Variants in ALMS1 observed in about 807,000 individuals in gnomAD.
The protein encoded by ALMS1 is centrosome-associated protein ALMS1.
ALMS1 carries 271 observed loss-of-function variants against 352.2 expected under a neutral mutation model. That is an observed-to-expected ratio of 0.77 (90% CI 0.70 to 0.85). The LOEUF is 0.85. Ranked by LOEUF, ALMS1 falls within the 40% of genes least tolerant of loss-of-function variation. The pLI is 0.00. For synonymous variants in ALMS1, 1,865 were observed against 1,761.2 expected, an observed-to-expected ratio of 1.06 and a Z score of -1.48; for missense variants, 5,445 against 4,870.7, an observed-to-expected ratio of 1.12 and a Z score of -3.51.
chr2:73,567,693 G>C (rs1178343697), intron 15 of ALMS1, among the ~76,000 whole-genome samples: 4 of 152,112 alleles, frequency 2.6e-5, no homozygotes, highest in African/African-American at 9.7e-5. Context: ...GCCATTTAGA[G>C]TATCGTGAGA....
intron 9 of ALMS1, 67 bp downstream of exon 9, chr2:73,455,362 T>G: frequency 6.3e-7 from 1 of 1,594,028 alleles, no homozygotes; most frequent in Non-Finnish European, 8.6e-7. Context: ...TAGGATCTCT[T>G]ACTTGGGCAT....
intron 12 of ALMS1, among the ~76,000 whole-genome samples, chr2:73,537,840 C>T (rs1403016875): frequency 6.6e-6 from 1 of 151,936 alleles, no homozygotes; most frequent in Non-Finnish European, 1.5e-5. Context: ...GACCCTGTCT[C>T]TACAAAAAAT....
Position 73,489,916 on chromosome 2 carries a change from C to G in ALMS1, c.7957C>G (p.Pro2653Ala). ...WNSLQLKSHS[P>A]FQNFIPDEFK... The stretch of plus-strand genomic sequence containing the variant: ...TTCCTTGCAGTTAAAAAGTCATTCC[C>G]CATTTCAGAACTTTATACCTGATGA... Residue 2653 changes from proline (P) to alanine (A), a missense_variant, in exon 10 of 23, where the codon CCA (proline) becomes GCA (alanine). Pro to Ala is a conservative substitution (Grantham distance 27, BLOSUM62 -1). Coordinates refer to ENST00000613296, the MANE Select transcript of ALMS1 (RefSeq NM_001378454.1). 6.2e-7 allele frequency: 1 copy of G among 1,614,140 alleles called. No homozygotes were observed. The highest frequency in any genetic ancestry group is 8.5e-7 in the Non-Finnish European group (1 of 1,180,012).
intron 9 of ALMS1, among the ~76,000 whole-genome samples, chr2:73,477,657 CTA>C (rs1419361981): frequency 2.0e-5 from 3 of 151,892 alleles, no homozygotes; most frequent in Non-Finnish European, 4.4e-5. Flanking sequence ...CCATTTCATT[CTA>C]TGTTTTTTAG....
chr2:73,462,241 G>A (rs973139112), intron 9 of ALMS1, among the ~76,000 whole-genome samples: 1 of 152,180 alleles, frequency 6.6e-6, no homozygotes, highest in African/African-American at 2.4e-5. Context: ...AAGCCCATCA[G>A]ACTAACAGCG....
intron 10 of ALMS1, among the ~76,000 whole-genome samples, chr2:73,494,056 A>G (rs1005509079): frequency 3.9e-5 from 6 of 152,230 alleles, no homozygotes; most frequent in Admixed American, 2.0e-4. Flanking sequence ...CCTCACTCAC[A>G]TGGCCATGGC....
chr2:73,453,019 T>C lies in ALMS1; in HGVS notation c.6492T>C (p.Asp2164=). Residue 2164 remains aspartate (D), a synonymous_variant, in exon 8 of 23, where the codon GAT becomes GAC. Coordinates refer to ENST00000613296, the MANE Select transcript of ALMS1 (RefSeq NM_001378454.1). ...KDLPDRHLTE[D]ALKISSALGQ... ...TGCCAGATAGACATCTAACTGAAGA[T>C]GCTCTAAAGATCTCAAGTGCTCTTG... The C allele has an allele frequency of 6.2e-7, 1 of 1,613,306 alleles. No individual in the cohort carries two copies.
chr2:73,406,089 A>G (rs115511140), intron 1 of ALMS1, among the ~76,000 whole-genome samples: 93 of 152,246 alleles, frequency 6.1e-4, no homozygotes, highest in African/African-American at 2.1e-3. Context: ...ATCTCATTCT[A>G]TCCATCATGG....
At position 73,394,957 on chromosome 2, in the gene ALMS1, A is replaced by C. The variant is rs117584446; in HGVS notation, c.324+8765A>C. On this transcript the variant is annotated intron_variant, in intron 1 of 22. Coordinates refer to ENST00000613296, the MANE Select transcript of ALMS1 (RefSeq NM_001378454.1). ...TCTAACACAAATACTTAGAAAAGGT[A>C]TAGTAAAAATATGGTATTTTACATA... 1.1e-3 allele frequency among the ~76,000 whole-genome samples: 163 copies of C among 148,466 alleles called. 2 individuals are homozygous for C. The East Asian group carries it at 0.029, about 26-fold the overall frequency.
At chr2:73,434,721 C>T (rs6546833) in intron 7 of ALMS1, among the ~76,000 whole-genome samples, 133,342 of 152,272 alleles carry the variant, frequency 0.88, 58,477 homozygotes, top group Admixed American at 0.92. Context: ...TATTTCTCCC[C>T]TTTTTTCTCT....
At chr2:73,404,553 T>C (rs1670935356) in intron 1 of ALMS1, among the ~76,000 whole-genome samples, 1 of 152,126 alleles carries the variant, frequency 6.6e-6, no homozygotes, top group Non-Finnish European at 1.5e-5. Flanking sequence ...GTGGTTTTTG[T>C]CCTTCCATTA....
At chr2:73,435,330 A>G (rs1351191283) in intron 7 of ALMS1, among the ~76,000 whole-genome samples, 5 of 151,484 alleles carry the variant, frequency 3.3e-5, no homozygotes, top group Non-Finnish European at 7.4e-5. Context: ...TTCCCCTTTT[A>G]TTATTGCATG....
At chr2:73,608,830 C>G (rs1222482028) in intron 22 of ALMS1, among the ~76,000 whole-genome samples, 1 of 152,234 alleles carries the variant, frequency 6.6e-6, no homozygotes, top group Non-Finnish European at 1.5e-5. Flanking sequence ...ATTTCACACA[C>G]AGGAGTTCAT....
At chr2:73,501,765 A>C (rs1377199987) in intron 10 of ALMS1, among the ~76,000 whole-genome samples, 1 of 152,042 alleles carries the variant, frequency 6.6e-6, no homozygotes, top group Admixed American at 6.6e-5. Flanking sequence ...TATTTTTGCT[A>C]TTTCAAGTCC....
At chr2:73,408,848 T>A in intron 2 of ALMS1, 101 bp downstream of exon 2, 1 of 931,490 alleles carries the variant, frequency 1.1e-6, no homozygotes, top group Non-Finnish European at 1.5e-6. Flanking sequence ...TATTCATTAA[T>A]ATTATGTTTT....
intron 1 of ALMS1, 121 bp from the exon 2 acceptor site, chr2:73,408,501 A>G (rs2103675099): frequency 1.7e-6 from 2 of 1,143,268 alleles, no homozygotes; most frequent in Non-Finnish European, 2.5e-6. Flanking sequence ...TGAAATCAAA[A>G]TGTCGTATAT....
intron 2 of ALMS1, among the ~76,000 whole-genome samples, chr2:73,412,697 G>A (rs1234827132): frequency 6.6e-6 from 1 of 152,194 alleles, no homozygotes; most frequent in East Asian, 1.9e-4. Flanking sequence ...TCGGGAGGCT[G>A]AGGCAGGAGA....
In ALMS1 at chr2:73,516,475, C is replaced by T. The variant is rs111593699; in HGVS notation, c.9540-3300C>T. Among the ~76,000 whole-genome samples the T allele has an allele frequency of 4.4e-3, 671 of 152,288 alleles. 3 individuals carry two copies. The highest frequency in any genetic ancestry group is 0.015 in the African/African-American group (639 of 41,576). On this transcript the variant is annotated intron_variant, in intron 10 of 22. Coordinates refer to ENST00000613296, the MANE Select transcript of ALMS1 (RefSeq NM_001378454.1). ...ACCCAAAACAAAATAAATCATTCTACTGAAAAAACACATATAATCAATATC... is the reference window on the plus strand; with the variant it reads ...ACCCAAAACAAAATAAATCATTCTATTGAAAAAACACATATAATCAATATC...
intron 10 of ALMS1, among the ~76,000 whole-genome samples, chr2:73,508,113 CT>C (rs1302263452): frequency 7.3e-5 from 11 of 150,664 alleles, no homozygotes; most frequent in Non-Finnish European, 1.2e-4. Flanking sequence ...CTTTTCTTTT[CT>C]CTTTTCTTTT....
Sources: gnomAD v4.1 joint callset for allele counts (sites outside exome capture counted in the v4.1 genomes callset) on GRCh38, gnomAD v4.1.1 for gene constraint, MANE v1.5 for transcripts, NCBI Gene and HGNC (gene_info 2026-07-23, HGNC 2026-07-21) for gene names.